The following TLN2 variants were observed in gnomAD, a reference collection of about 807,000 sequenced individuals.
TLN2 encodes the protein talin 2.
TLN2 carries 118 observed loss-of-function variants against 294.7 expected under a neutral mutation model. The ratio of observed to expected loss-of-function variants is 0.40; its 90% CI spans 0.34 to 0.47. The LOEUF is 0.47. TLN2 is among the 20% of genes least tolerant of loss of function. TLN2 has a pLI of 0.84. For synonymous variants in TLN2, 1,431 were observed against 1,304.5 expected, an observed-to-expected ratio of 1.10 and a Z score of -2.09; for missense variants, 3,083 against 3,282.2, an observed-to-expected ratio of 0.94 and a Z score of 1.48.
At chr15:62,698,628 C>A in intron 15 of TLN2, 126 bp from the exon 16 acceptor site, 2 of 683,140 alleles carry the variant, frequency 2.9e-6, no homozygotes, top group South Asian at 3.5e-5. Flanking sequence ...GGTTGAGGCG[C>A]TTGTTGAGAT....
At chr15:62,573,868 C>T (rs1255718292) in intron 1 of TLN2, among the ~76,000 whole-genome samples, 1 of 151,464 alleles carries the variant, frequency 6.6e-6, no homozygotes, top group African/African-American at 2.4e-5. Flanking sequence ...GACACAGTGG[C>T]TTAGTGGGGA....
intron 1 of TLN2, among the ~76,000 whole-genome samples, chr15:62,539,105 G>T (rs1443947438): frequency 6.6e-6 from 1 of 152,176 alleles, no homozygotes; most frequent in Non-Finnish European, 1.5e-5. Context: ...GCAAAGATTT[G>T]ATGACTTTCT....
At chr15:62,739,663 T>A in intron 31 of TLN2, 118 bp downstream of exon 31, 3 of 1,247,558 alleles carry the variant, frequency 2.4e-6, no homozygotes. Flanking sequence ...CAGGCCATGG[T>A]TGCATTCTTT....
At position 62,712,010 on chromosome 15, in the gene TLN2, C is replaced by G; in HGVS notation, c.2567C>G (p.Ser856Ter). 1 of 1,614,180 alleles carries G rather than the reference C, an allele frequency of 6.2e-7. No homozygotes were observed. Among genetic ancestry groups the G allele is most frequent in the Non-Finnish European group, 8.5e-7 (1 of 1,180,018 alleles). The change falls in exon 22 of 59, where the codon TCA (serine) becomes TGA (stop). Residue 856 changes from serine (S) to a stop codon, truncating the protein, a stop_gained. Coordinates refer to ENST00000636159, the MANE Select transcript of TLN2 (RefSeq NM_015059.3). LOFTEE classifies it high-confidence loss of function. Reference protein sequence around the residue: ...DAEAEIDMENSKKLLAAAKLL... With the variant: ...DAEAEIDMEN Reference sequence around the variant, plus strand: ...GAAGCCGAAATCGACATGGAGAATTCAAAGAAGCTCCTGGCAGCAGCAAAA... The same window carrying G: ...GAAGCCGAAATCGACATGGAGAATTGAAAGAAGCTCCTGGCAGCAGCAAAA...
In TLN2 at chr15:62,542,346, C is replaced by T. The variant is rs192668202; in HGVS notation, c.-237-47341C>T. Reference sequence around the variant, plus strand: ...AGCTGGGACTACAGGCGCCTGCCACCGTACCTGGCTGATTTTGTATTTTTT... The same window carrying T: ...AGCTGGGACTACAGGCGCCTGCCACTGTACCTGGCTGATTTTGTATTTTTT... On this transcript the variant is annotated intron_variant, in intron 1 of 58. Coordinates refer to ENST00000636159, the MANE Select transcript of TLN2 (RefSeq NM_015059.3). 5.5e-5 allele frequency among the ~76,000 whole-genome samples: 7 copies of T among 127,824 alleles called. No individual in the cohort carries two copies. In the East Asian group the frequency reaches 7.1e-4, roughly 13 times the overall value. 83.9% of individuals were successfully genotyped at this position (127,824 alleles called of 152,430 possible).
chr15:62,559,333 G>A (rs568063140), intron 1 of TLN2, among the ~76,000 whole-genome samples: 1 of 152,314 alleles, frequency 6.6e-6, no homozygotes, highest in Non-Finnish European at 1.5e-5. Context: ...GCCAGCGGAT[G>A]TGGACTGAGC....
intron 3 of TLN2, among the ~76,000 whole-genome samples, chr15:62,641,222 A>C (rs1350607752): frequency 6.6e-6 from 1 of 152,186 alleles, no homozygotes; most frequent in Non-Finnish European, 1.5e-5. Context: ...AATAGATACA[A>C]AATAAACAAT....
rs2038283673 is a variant in TLN2 at position 62,484,570 on chromosome 15, G to A, written c.-238+93885G>A. Among the ~76,000 whole-genome samples, 2 of 152,014 alleles carry A rather than the reference G, an allele frequency of 1.3e-5. 1 individual carries two copies. Among genetic ancestry groups the A allele is most frequent in the Non-Finnish European group, 2.9e-5 (2 of 68,022 alleles). On this transcript the variant is annotated intron_variant, in intron 1 of 58. Transcript: ENST00000636159. ...CCTCCCCAAGTAGCTGGGATTACAG[G>A]TGCTACCACCACGCCCGGCTAATTT...
chr15:62,574,404 C>T (rs1288578949), intron 1 of TLN2, among the ~76,000 whole-genome samples: 1 of 151,086 alleles, frequency 6.6e-6, no homozygotes, highest in Admixed American at 6.6e-5. Flanking sequence ...AGCTAGACCC[C>T]GCCTCTTCAA....
chr15:62,761,341 A>G (rs1290173624), intron 37 of TLN2, among the ~76,000 whole-genome samples: 1 of 152,218 alleles, frequency 6.6e-6, no homozygotes, highest in African/African-American at 2.4e-5. Flanking sequence ...AAAAGTGAGG[A>G]GGAAAGTAGT....
chr15:62,629,040 T>C (rs1215884322), intron 3 of TLN2, among the ~76,000 whole-genome samples: 1 of 151,788 alleles, frequency 6.6e-6, no homozygotes, highest in Admixed American at 6.6e-5. Context: ...CTAAAAAAAA[T>C]TTAAAAATTA....
chr15:62,760,826 T>TA (rs1408716407), intron 37 of TLN2, among the ~76,000 whole-genome samples: 3 of 152,176 alleles, frequency 2.0e-5, no homozygotes, highest in Non-Finnish European at 4.4e-5. Context: ...TTATGAAGCA[T>TA]AAGATACACA....
chr15:62,585,762 A>T (rs1418937145), intron 1 of TLN2, among the ~76,000 whole-genome samples: 1 of 152,182 alleles, frequency 6.6e-6, no homozygotes, highest in East Asian at 1.9e-4. Flanking sequence ...GATAGATCTT[A>T]TCCATATTCA....
chr15:62,468,658 T>C (rs2037277545), intron 1 of TLN2, among the ~76,000 whole-genome samples: 1 of 150,568 alleles, frequency 6.6e-6, no homozygotes, highest in South Asian at 2.1e-4. Flanking sequence ...GGCAGGAGAA[T>C]GGCGTGAACC....
rs1309906851 is a variant in TLN2, at chr15:62,717,597, G to A, written c.2785G>A (p.Ala929Thr). The change falls in exon 24 of 59, where the codon GCG (alanine) becomes ACG (threonine). Residue 929 changes from alanine (A) to threonine (T), a missense_variant. Physicochemically the swap from Ala to Thr is moderately conservative, Grantham distance 58. Coordinates refer to ENST00000636159, the MANE Select transcript of TLN2 (RefSeq NM_015059.3). The stretch of plus-strand genomic sequence containing the variant: ...GCAGGTTGCAGCCAAGCAGGCCGCA[G>A]CGGCAGCCACACAGACCATCGCCGC... ...RLEVAAKQAA[A>T]AATQTIAASQ... The A allele has an allele frequency of 6.3e-7, 1 of 1,585,554 alleles. No individual in the cohort carries two copies. The highest frequency in any genetic ancestry group is 1.2e-5 in the South Asian group (1 of 85,722).
chr15:62,533,392 T>C (rs1038707311), intron 1 of TLN2, among the ~76,000 whole-genome samples: 2 of 151,928 alleles, frequency 1.3e-5, no homozygotes, highest in South Asian at 2.1e-4. Context: ...CAGGGGGATG[T>C]TTTCCATGAT....
At chr15:62,493,575 A>T (rs560238948) in intron 1 of TLN2, among the ~76,000 whole-genome samples, 1 of 150,992 alleles carries the variant, frequency 6.6e-6, no homozygotes, top group East Asian at 1.9e-4. Context: ...ACGCTCTCCC[A>T]CGTAGGAAGC....
intron 1 of TLN2, among the ~76,000 whole-genome samples, chr15:62,407,080 C>T (rs369308313): frequency 4.6e-5 from 7 of 152,078 alleles, no homozygotes; most frequent in African/African-American, 1.4e-4. Context: ...CCAAGGGACC[C>T]TAATTGTAGA....
At chr15:62,499,740 A>G (rs1210724655) in intron 1 of TLN2, among the ~76,000 whole-genome samples, 1 of 151,952 alleles carries the variant, frequency 6.6e-6, no homozygotes, top group East Asian at 2.0e-4. Flanking sequence ...AGTAGCTGAG[A>G]TTACAGGCAT....
Sources: gnomAD v4.1 joint callset for allele counts (sites outside exome capture counted in the v4.1 genomes callset) on GRCh38, gnomAD v4.1.1 for gene constraint, MANE v1.5 for transcripts, NCBI Gene and HGNC (gene_info 2026-07-23, HGNC 2026-07-21) for gene names.